Variants in HS6ST3 observed in about 807,000 individuals in gnomAD.
HS6ST3 encodes heparan-sulfate 6-O-sulfotransferase 3.
HS6ST3 carries 12 observed loss-of-function variants against 36.7 expected under a neutral mutation model. The ratio of observed to expected loss-of-function variants is 0.33; its 90% confidence interval spans 0.21 to 0.53. The LOEUF is 0.53. HS6ST3 is among the 20% of genes least tolerant of loss of function. The pLI is 0.95. For synonymous variants in HS6ST3, 240 were observed against 257.5 expected, an observed-to-expected ratio of 0.93 and a Z score of 0.65; for missense variants, 584 against 640.9, an observed-to-expected ratio of 0.91 and a Z score of 0.96.
At chr13:96,817,889 C>G (rs1878455906) in intron 1 of HS6ST3, among the ~76,000 whole-genome samples, 2 of 152,146 alleles carry the variant, frequency 1.3e-5, no homozygotes, top group African/African-American at 4.8e-5. Flanking sequence ...GATGCGCCCC[C>G]TCCCAACACA....
In HS6ST3 at chr13:96,671,728, G is replaced by A. The variant is rs571233237; in HGVS notation, c.708-160762G>A. On this transcript the variant is annotated intron_variant, in intron 1 of 1. Transcript: ENST00000376705. ...ATTTCCCCCTTTTATAAGGACACTA[G>A]TTATATTGAATTAGGGCCTACCCTA... Among the ~76,000 whole-genome samples, 5 of 152,016 alleles carry A rather than the reference G, an allele frequency of 3.3e-5. No homozygotes were observed. In the South Asian group the frequency reaches 1.0e-3, roughly 32 times the overall value.
At chr13:96,401,825 C>G (rs1257986326) in intron 1 of HS6ST3, among the ~76,000 whole-genome samples, 7 of 152,160 alleles carry the variant, frequency 4.6e-5, no homozygotes, top group Non-Finnish European at 8.8e-5. Context: ...CAGCCTGCCC[C>G]GGCCTCCCAA....
Position 96,163,761 on chromosome 13 carries a change from C to T in HS6ST3, c.707+72192C>T, listed in dbSNP as rs182451729. On this transcript the variant is annotated intron_variant, in intron 1 of 1. Transcript: ENST00000376705. ...ATATCATTATTAAAGTACTACTGCA[C>T]GAAATGATGTACTTAGATCATTCTG... Among the ~76,000 whole-genome samples, 51 of 152,234 alleles carry T rather than the reference C, an allele frequency of 3.4e-4. 1 individual carries two copies. Among genetic ancestry groups the T allele is most frequent in the Middle Eastern group, 3.4e-3 (1 of 294 alleles).
At chr13:96,277,460 G>T (rs2054754001) in intron 1 of HS6ST3, among the ~76,000 whole-genome samples, 1 of 152,192 alleles carries the variant, frequency 6.6e-6, no homozygotes, top group African/African-American at 2.4e-5. Context: ...CAGAGACAAA[G>T]ATTAGAGCTT....
chr13:96,215,636 T>C (rs2054421691), intron 1 of HS6ST3, among the ~76,000 whole-genome samples: 1 of 152,178 alleles, frequency 6.6e-6, no homozygotes, highest in Non-Finnish European at 1.5e-5. Flanking sequence ...TAAAAAAAGC[T>C]TTTTTTCTGT....
chr13:96,178,113 G>C (rs969881558), intron 1 of HS6ST3, among the ~76,000 whole-genome samples: 2 of 152,154 alleles, frequency 1.3e-5, no homozygotes, highest in African/African-American at 4.8e-5. Flanking sequence ...TATGTGGGTT[G>C]AGGAAATAAG....
intron 1 of HS6ST3, among the ~76,000 whole-genome samples, chr13:96,331,071 G>A (rs1312363403): frequency 6.6e-6 from 1 of 152,126 alleles, no homozygotes; most frequent in South Asian, 2.1e-4. Flanking sequence ...GGTTATTCTA[G>A]TTATACATTC....
At chr13:96,381,402 G>C (rs9513125) in intron 1 of HS6ST3, among the ~76,000 whole-genome samples, 141 of 54,702 alleles carry the variant, frequency 2.6e-3, no homozygotes, top group African/African-American at 6.6e-3. Context: ...ATGTATCTAT[G>C]TATCTATGTA....
At chr13:96,339,201 C>T (rs983890706) in intron 1 of HS6ST3, among the ~76,000 whole-genome samples, 1 of 152,154 alleles carries the variant, frequency 6.6e-6, no homozygotes, top group Non-Finnish European at 1.5e-5. Flanking sequence ...CAAAATGACA[C>T]ACAAGAACAA....
intron 1 of HS6ST3, among the ~76,000 whole-genome samples, chr13:96,459,358 A>C (rs2055771099): frequency 6.6e-6 from 1 of 152,146 alleles, no homozygotes; most frequent in South Asian, 2.1e-4. Flanking sequence ...CTGACTTCAA[A>C]AAAGGGCTAT....
chr13:96,711,227 T>A (rs576390183), intron 1 of HS6ST3, among the ~76,000 whole-genome samples: 3 of 152,258 alleles, frequency 2.0e-5, no homozygotes, highest in African/African-American at 7.2e-5. Context: ...GCCTATAACC[T>A]CTGACCTGCC....
At chr13:96,451,082 TCATTAAAAATCATGTGTAATAGTATTACA>T (rs2055725861) in intron 1 of HS6ST3, among the ~76,000 whole-genome samples, 1 of 149,094 alleles carries the variant, frequency 6.7e-6, no homozygotes, top group Non-Finnish European at 1.5e-5. Flanking sequence ...CAGTATTACC[TCATTAAAAATCATGTGTAATAGTATTACA>T]CATTAAAAAT....
intron 1 of HS6ST3, among the ~76,000 whole-genome samples, chr13:96,456,889 T>C (rs909945152): frequency 6.6e-6 from 1 of 152,148 alleles, no homozygotes; most frequent in African/African-American, 2.4e-5. Context: ...GAGTTCTTCT[T>C]TGGAAAATAT....
rs541739461 is a variant in HS6ST3, at chr13:96,791,492, G to C, written c.708-40998G>C. On this transcript the variant is annotated intron_variant, in intron 1 of 1. Coordinates refer to ENST00000376705, the MANE Select transcript of HS6ST3 (RefSeq NM_153456.4). ...GAATCCTCCTAAACACAGGGGGCCA[G>C]GCACCCACAAAAAACCATCAAACTT... Among the ~76,000 whole-genome samples the C allele has an allele frequency of 1.2e-3, 183 of 151,958 alleles. 1 individual carries two copies. The highest frequency in any genetic ancestry group is 4.2e-3 in the African/African-American group (175 of 41,464).
intron 1 of HS6ST3, among the ~76,000 whole-genome samples, chr13:96,134,172 T>A (rs2139313341): frequency 1.3e-5 from 2 of 152,298 alleles, no homozygotes; most frequent in East Asian, 3.9e-4. Context: ...CCTTGCTGTT[T>A]TGATTGCCAT....
chr13:96,239,476 T>G (rs2054550168), intron 1 of HS6ST3, among the ~76,000 whole-genome samples: 1 of 152,170 alleles, frequency 6.6e-6, no homozygotes. Flanking sequence ...TAACGGGTGG[T>G]TTAATAAGGC....
At chr13:96,815,545 G>A (rs548430763) in intron 1 of HS6ST3, among the ~76,000 whole-genome samples, 1 of 152,172 alleles carries the variant, frequency 6.6e-6, no homozygotes, top group Non-Finnish European at 1.5e-5. Flanking sequence ...TCAGCAGTTG[G>A]GCTGGTCAGT....
intron 1 of HS6ST3, among the ~76,000 whole-genome samples, chr13:96,364,735 G>A (rs1416085307): frequency 6.6e-6 from 1 of 152,086 alleles, no homozygotes; most frequent in Non-Finnish European, 1.5e-5. Context: ...TGAAGTGTAC[G>A]CTTAAAAATA....
At chr13:96,133,843 GTT>G (rs71113979) in intron 1 of HS6ST3, among the ~76,000 whole-genome samples, 115,138 of 142,098 alleles carry the variant, frequency 0.81, 46,623 homozygotes, top group Non-Finnish European at 0.86. Context: ...GAGCTTTTAT[GTT>G]TTTTTTTTTT....
Sources: gnomAD v4.1 joint callset for allele counts (sites outside exome capture counted in the v4.1 genomes callset) on GRCh38, gnomAD v4.1.1 for gene constraint, MANE v1.5 for transcripts, NCBI Gene and HGNC (gene_info 2026-07-23, HGNC 2026-07-21) for gene names.